Variants in CCDC120 observed in about 807,000 individuals in gnomAD.
The protein encoded by CCDC120 is coiled-coil domain-containing protein 120.
CCDC120 carries 16 observed loss-of-function variants against 37.6 expected under a neutral mutation model. That is an observed-to-expected ratio of 0.43 (90% confidence interval 0.29 to 0.65). The LOEUF (loss-of-function observed/expected upper bound fraction) is 0.65, where lower values mean the gene tolerates loss of function less well. Ranked by LOEUF, CCDC120 falls within the 30% of genes least tolerant of loss-of-function variation. CCDC120 has a pLI of 0.18. For synonymous variants in CCDC120, 309 were observed against 275.4 expected (o/e 1.12, Z -1.21); for missense variants, 650 against 657.4 (o/e 0.99, Z 0.12).
At chrX:49,062,793 C>G in intron 4 of CCDC120, 192 bp downstream of exon 4, 1 of 480,656 alleles carries the variant, frequency 2.1e-6, no homozygotes, top group Non-Finnish European at 3.4e-6. Flanking sequence ...GGCGCTGTGG[C>G]TCACGCCTGT....
intron 4 of CCDC120, among the ~76,000 whole-genome samples, chrX:49,063,172 C>G (rs60759920): frequency 1.0e-5 from 1 of 95,905 alleles, no homozygotes; most frequent in South Asian, 5.1e-4. Context: ...CCAGCCTGGG[C>G]GACAGAGCAA....
At chrX:49,060,822 G>A (rs960048301) in intron 1 of CCDC120, among the ~76,000 whole-genome samples, 29 of 112,118 alleles carry the variant, frequency 2.6e-4, no homozygotes, top group Non-Finnish European at 5.6e-5. Context: ...CACCTTACAA[G>A]CAGCTTGGCC....
chrX:49,053,952 G>T (rs782603704), intron 1 of CCDC120: 1 of 113,021 alleles, frequency 8.8e-6, no homozygotes, highest in South Asian at 3.6e-4. Flanking sequence ...CCGACGGGGC[G>T]TACCTGCGCG....
At chrX:49,065,417 T>G in intron 7 of CCDC120, 37 bp from the exon 8 acceptor site, 1 of 1,124,238 alleles carries the variant, frequency 8.9e-7, no homozygotes, top group Non-Finnish European at 1.2e-6. Context: ...TGGGCCCCCC[T>G]CATTGAATTC....
At chrX:49,054,068 A>C (rs989088717), upstream of CCDC120, among the ~76,000 whole-genome samples, 1 of 111,217 alleles carries the variant, frequency 9.0e-6, no homozygotes, top group African/African-American at 3.3e-5. Flanking sequence ...AGGACCTTCC[A>C]TCCGAGCCCT....
In CCDC120 at chrX:49,069,703, G is replaced by T. The variant is rs2064999016; in HGVS notation, c.*1045G>T. 1 of 112,471 alleles carries T rather than the reference G, an allele frequency of 8.9e-6. No individual in the cohort carries two copies. The highest frequency in any genetic ancestry group is 3.2e-5 in the African/African-American group (1 of 30,844). The allele number at this position is 112,471 out of a possible 1,213,427, so 9.3% of individuals were successfully genotyped here. A position where few individuals can be genotyped will look rare whatever the true frequency, so the allele number is the denominator to read the frequency against. Reference sequence around the variant, plus strand: ...TTTTAAGCAAACCCACACAAGTTGTGTTTTCTATGATACCTGTCTGTGATT... The same window carrying T: ...TTTTAAGCAAACCCACACAAGTTGTTTTTTCTATGATACCTGTCTGTGATT... On this transcript the variant is annotated 3_prime_UTR_variant, in exon 11 of 11. Transcript: ENST00000603986.
Position 49,067,737 on chromosome X carries a change from C to T in CCDC120, c.1623C>T (p.Pro541=), listed in dbSNP as rs781918752. 8.4e-7 allele frequency: 1 copy of T among 1,196,105 alleles called. No individual in the cohort carries two copies. The highest frequency in any genetic ancestry group is 1.1e-6 in the Non-Finnish European group (1 of 884,568). The change falls in exon 10 of 11, where the codon CCC becomes CCT. Residue 541 remains proline, a synonymous_variant. Transcript: ENST00000603986. Reference sequence around the variant, plus strand: ...GCCCCCTCCTCCGCACCAAGGACCCCCACACCCGTGCCACCCGCACTAAGC... The same window carrying T: ...GCCCCCTCCTCCGCACCAAGGACCCTCACACCCGTGCCACCCGCACTAAGC... ...SNSPLLRTKD[P]HTRATRTKPC... is the part of the protein sequence containing the mutation.
At chrX:49,061,482 A>G (rs1462159872) in intron 1 of CCDC120, among the ~76,000 whole-genome samples, 1 of 112,821 alleles carries the variant, frequency 8.9e-6, no homozygotes, top group East Asian at 2.8e-4. Flanking sequence ...GGGACAGATA[A>G]TGTTTCCTGT....
chrX:49,068,011 GGCCAGGCGCTGTACGGGGCCCCCA>G lies in CCDC120; in HGVS notation c.1907_1930del (p.Leu636_Ala643del), dbSNP rs782472951. 6.9e-6 allele frequency: 8 copies of G among 1,163,991 alleles called. No homozygotes were observed. Among genetic ancestry groups the G allele is most frequent in the Non-Finnish European group, 9.2e-6 (8 of 871,285 alleles). On this transcript the variant is annotated inframe_deletion, in exon 10 of 11. Transcript: ENST00000603986. ...CCTCCATGCCCGCTGCTATGAGGTG[GGCCAGGCGCTGTACGGGGCCCCCA>G]GCCAGGCGCCACTCCCACACTCGAG...
In CCDC120 at chrX:49,067,418, G is replaced by A. The variant is rs782700988; in HGVS notation, c.1304G>A (p.Arg435His). The change falls in exon 10 of 11, where the codon CGC (arginine) becomes CAC (histidine). Residue 435 changes from arginine to histidine, a missense_variant. Arg to His is a conservative substitution (Grantham distance 29). Transcript: ENST00000603986. ...AAGAGCAGTGAGGTGCTGTATGAGC[G>A]CCCCCAACCAACCCCTGCCTTCTCC... ...VCKSSEVLYE[R>H]PQPTPAFSSR... 21 of 1,190,457 alleles carry A rather than the reference G, an allele frequency of 1.8e-5. No homozygotes were observed. The East Asian group carries it at 3.0e-4, about 17-fold the overall frequency.
At position 49,065,566 on chromosome X, in the gene CCDC120, A is replaced by T; in HGVS notation, c.900A>T (p.Pro300=). 8.3e-7 allele frequency: 1 copy of T among 1,209,073 alleles called. No homozygotes were observed. Among genetic ancestry groups the T allele is most frequent in the Non-Finnish European group, 1.1e-6 (1 of 894,661 alleles). The part of the protein sequence containing the change: ...GSPERRTPWK[P]PPSDLYGDLK... ...CTGAGCGGCGAACCCCATGGAAACC[A>T]CCTCCATCAGATCTTTATGGGGATC... Residue 300 remains proline, a synonymous_variant, in exon 8 of 11, where the codon CCA becomes CCT. Transcript: ENST00000603986.
At chrX:49,064,751 G>A in intron 6 of CCDC120, 87 bp downstream of exon 6, 2 of 1,034,413 alleles carry the variant, frequency 1.9e-6, no homozygotes, top group Non-Finnish European at 2.6e-6. Flanking sequence ...GGTGAAAACC[G>A]GGAGGTAGGC....
rs892808055 is a variant in CCDC120, at chrX:49,064,470, A to G, written c.530A>G (p.Gln177Arg). 1.7e-5 allele frequency: 20 copies of G among 1,179,877 alleles called. No homozygotes were observed. In the African/African-American group the frequency reaches 2.3e-4, roughly 14 times the overall value. Residue 177 changes from glutamine (Q) to arginine (R), a missense_variant, in exon 6 of 11, where the codon CAG becomes CGG. Physicochemically the swap from Gln to Arg is conservative, Grantham distance 43 (BLOSUM62 1). This residue lies in a region of CCDC120 where 576 missense variants were observed against 565.3 expected (regional missense o/e 1.02). Coordinates refer to ENST00000603986, the MANE Select transcript of CCDC120 (RefSeq NM_001163321.4). ...LALAPDLSTE[Q>R]RRRRRQVQAD... is the part of the protein sequence containing the mutation. ...TTGGCCCCTGATCTGAGCACCGAGC[A>G]GCGCCGGCGCCGGCGCCAGGTCCAG... is the stretch of plus-strand genomic sequence containing the variant.
rs781840376 is a variant in CCDC120, at chrX:49,062,514, G to C, written c.201G>C (p.Leu67=). The change falls in exon 4 of 11, where the codon CTG becomes CTC. Residue 67 remains leucine (L), a synonymous_variant. Coordinates refer to ENST00000603986, the MANE Select transcript of CCDC120 (RefSeq NM_001163321.4). ...EAAPQVKSER[L]RGLLDRQRTL... ...CCCCCCAGGTGAAGTCAGAGCGTCT[G>C]CGGGGGCTGCTTGACCGGCAGCGGA... 1 of 1,212,072 alleles carries C rather than the reference G, an allele frequency of 8.3e-7. No individual in the cohort carries two copies. The highest frequency in any genetic ancestry group is 1.1e-6 in the Non-Finnish European group (1 of 895,616).
chrX:49,065,861 G>A lies in CCDC120; in HGVS notation c.1061+16G>A. 1 of 1,143,400 alleles carries A rather than the reference G, an allele frequency of 8.7e-7. No homozygotes were observed. Among genetic ancestry groups the A allele is most frequent in the South Asian group, 1.9e-5 (1 of 51,669 alleles). The allele number at this position is 1,143,400 out of a possible 1,213,427, so 94.2% of individuals were successfully genotyped here. A position where few individuals can be genotyped will look rare whatever the true frequency, so the allele number is the denominator to read the frequency against. On this transcript the variant is annotated intron_variant, in intron 9 of 10. Coordinates refer to ENST00000603986, the MANE Select transcript of CCDC120 (RefSeq NM_001163321.4). ...AGCTCTGCAAGTAAGGGGAATCTGA[G>A]GGTGGGCTGGAGGATCAGAGGGGAG...
intron 1 of CCDC120, 118 bp from the exon 2 acceptor site, chrX:49,061,841 G>A: frequency 1.4e-6 from 1 of 739,734 alleles, no homozygotes; most frequent in Non-Finnish European, 1.9e-6. Context: ...ATCTTTCCGG[G>A]TGGCTCTGAA....
Position 49,067,831 on chromosome X carries a change from C to T in CCDC120, c.1717C>T (p.Pro573Ser). ...TCCAAACCCTCTGCTGTGGATGCCC[C>T]CACCCACCCGTATCCCCTCGGCTGG... is the stretch of plus-strand genomic sequence containing the variant. ...VHPNPLLWMP[P>S]PTRIPSAGER... Residue 573 changes from proline to serine, a missense_variant, in exon 10 of 11, where the codon CCA (proline) becomes TCA (serine). By Grantham distance (74) the Pro-to-Ser change is moderately conservative. This residue lies in a region of CCDC120 where 576 missense variants were observed against 565.3 expected (regional missense o/e 1.02). Transcript: ENST00000603986. 1 of 1,181,513 alleles carries T rather than the reference C, an allele frequency of 8.5e-7. No individual in the cohort carries two copies. Among genetic ancestry groups the T allele is most frequent in the South Asian group, 1.9e-5 (1 of 53,618 alleles).
intron 6 of CCDC120, 37 bp from the exon 7 acceptor site, chrX:49,064,999 G>A (rs1557080715): frequency 8.4e-7 from 1 of 1,194,617 alleles, no homozygotes; most frequent in Admixed American, 2.2e-5. Flanking sequence ...CCCAGGCCTG[G>A]GAGTGAGAGG....
Position 49,065,749 on chromosome X carries a change from C to T in CCDC120, c.965C>T (p.Pro322Leu), listed in dbSNP as rs1557081001. The T allele has an allele frequency of 8.5e-7, 1 of 1,175,395 alleles. No homozygotes were observed. Among genetic ancestry groups the T allele is most frequent in the African/African-American group, 1.8e-5 (1 of 56,663 alleles). Residue 322 changes from proline (P) to leucine (L), a missense_variant and splice_region_variant, in exon 9 of 11, where the codon CCC becomes CTC. Around this residue, in one of 3 missense-constraint regions of CCDC120, gnomAD observed 576 missense variants for 565.3 expected, o/e 1.02. Coordinates refer to ENST00000603986, the MANE Select transcript of CCDC120 (RefSeq NM_001163321.4). ...RRNSVASPTS[P>L]TRSLPRSASS... ...TAGGCCTGCCTGTCTCTGTCTAGCC[C>T]CACACGCTCGCTGCCCAGGAGTGCC...
Sources: allele counts gnomAD v4.1 joint callset (sites outside exome capture counted in the v4.1 genomes callset), GRCh38; gene constraint gnomAD v4.1.1; regional missense constraint gnomAD v4.1.1; transcripts MANE v1.5; gene names NCBI Gene and HGNC (gene_info 2026-07-23, HGNC 2026-07-21).